Variants in TMEM130 observed in about 807,000 individuals in gnomAD.
The protein encoded by TMEM130 is transmembrane protein 130.
TMEM130 carries 37 observed loss-of-function variants against 42.9 expected under a neutral mutation model. The ratio of observed to expected loss-of-function variants is 0.86; its 90% CI spans 0.66 to 1.13. TMEM130 has a LOEUF of 1.13. TMEM130 is among the 50% of genes most tolerant of loss of function. The pLI, the probability that TMEM130 is intolerant of heterozygous loss-of-function variation, is 0.00. For missense variants in TMEM130, 545 were observed against 562.6 expected (o/e 0.97, Z 0.32); for synonymous variants, 259 against 237.7 (o/e 1.09, Z -0.82).
intron 3 of TMEM130, among the ~76,000 whole-genome samples, chr7:98,856,912 T>A (rs1014392757): frequency 6.6e-6 from 1 of 152,144 alleles, no homozygotes. Context: ...CTCTCCCTTT[T>A]TTTTTTATTT....
At chr7:98,862,884 T>C (rs782787368) in intron 2 of TMEM130, among the ~76,000 whole-genome samples, 5 of 152,176 alleles carry the variant, frequency 3.3e-5, no homozygotes, top group Non-Finnish European at 7.3e-5. Context: ...TCAGCAGCAA[T>C]AGGCGTCCCT....
chr7:98,850,273 A>ATATATTT, intron 6 of TMEM130, among the ~76,000 whole-genome samples: 5 of 35,444 alleles, frequency 1.4e-4, no homozygotes, highest in Non-Finnish European at 2.5e-4. Context: ...ATATATATAT[A>ATATATTT]TTTTTTTTTT....
At chr7:98,855,901 G>T (rs1554398888) in intron 4 of TMEM130, 116 bp downstream of exon 4, 9 of 1,217,034 alleles carry the variant, frequency 7.4e-6, no homozygotes, top group Non-Finnish European at 1.0e-5. Flanking sequence ...GCTCCTCAGA[G>T]GTCTGTGGGG....
chr7:98,863,833 T>A (rs1287070365), intron 1 of TMEM130, among the ~76,000 whole-genome samples: 7 of 150,544 alleles, frequency 4.6e-5, no homozygotes, highest in Non-Finnish European at 7.4e-5. Flanking sequence ...CTCCCTTCCT[T>A]CCTTCCTTTT....
At position 98,869,505 on chromosome 7, in the gene TMEM130, G is replaced by A. The variant is rs1554401063; in HGVS notation, c.85+272C>T. Among the ~76,000 whole-genome samples the A allele has an allele frequency of 6.6e-6, 1 of 152,188 alleles. No individual in the cohort carries two copies. The highest frequency in any genetic ancestry group is 1.5e-5 in the Non-Finnish European group (1 of 68,030). On this transcript the variant is annotated intron_variant, in intron 1 of 7. Transcript: ENST00000339375. This position sits in a 1 kb window ranked among gnomAD's most constrained non-coding sequence, Gnocchi z 4.7. Reference sequence around the variant, plus strand: ...CGACGGATGCGCCGGCCACCCCCGCGCGGTTTCCAGGGCAGGGCCAGCCTG... The same window carrying A: ...CGACGGATGCGCCGGCCACCCCCGCACGGTTTCCAGGGCAGGGCCAGCCTG...
chr7:98,856,262 G>A (rs1390391434), intron 3 of TMEM130, 79 bp from the exon 4 acceptor site: 4 of 1,436,744 alleles, frequency 2.8e-6, no homozygotes, highest in Non-Finnish European at 3.8e-6. Context: ...AGTGATTCAT[G>A]GGACTTGCCA....
intron 6 of TMEM130, among the ~76,000 whole-genome samples, chr7:98,850,865 A>G (rs1347748087): frequency 6.6e-6 from 1 of 152,146 alleles, no homozygotes; most frequent in Non-Finnish European, 1.5e-5. Flanking sequence ...ATGGTGGCTC[A>G]TTTGGCGCAA....
intron 6 of TMEM130, among the ~76,000 whole-genome samples, chr7:98,850,435 A>G (rs960395987): frequency 6.7e-6 from 1 of 150,280 alleles, no homozygotes; most frequent in Non-Finnish European, 1.5e-5. Context: ...CCACCACCAC[A>G]CCCAGCTAAC....
rs782165348 is a variant in TMEM130, at chr7:98,856,216, A to C, written c.552-33T>G. 7 of 1,603,790 alleles carry C rather than the reference A, an allele frequency of 4.4e-6. No individual in the cohort carries two copies. The Admixed American group carries it at 1.2e-4, about 27-fold the overall frequency. ...GAGACAGGGAGGAGAGAGGAGGAAG[A>C]CAGCAGACGGTTGCTTCCCCTTCCT... On this transcript the variant is annotated intron_variant, in intron 3 of 7. Transcript: ENST00000339375.
intron 3 of TMEM130, 130 bp from the exon 4 acceptor site, chr7:98,856,313 T>C (rs1490194563): frequency 1.2e-6 from 1 of 856,326 alleles, no homozygotes; most frequent in East Asian, 2.6e-5. Context: ...CAGCTACCAG[T>C]GAGCACACCT....
rs1444192194 is a variant in TMEM130 at position 98,847,263 on chromosome 7, A to C, written c.*793T>G. 6.6e-6 allele frequency: 1 copy of C among 152,214 alleles called. No homozygotes were observed. Among genetic ancestry groups the C allele is most frequent in the East Asian group, 1.9e-4 (1 of 5,188 alleles). 9.4% of individuals were successfully genotyped at this position (152,214 alleles called of 1,614,324 possible). On this transcript the variant is annotated 3_prime_UTR_variant, in exon 8 of 8. Coordinates refer to ENST00000339375, the MANE Select transcript of TMEM130 (RefSeq NM_152913.3). ...TTTATAAAGCACTCTGCAATCACTC[A>C]GTATTAGTCCTGCCCCCCATCCAGC... is the stretch of plus-strand genomic sequence containing the variant.
intron 7 of TMEM130, 57 bp downstream of exon 7, chr7:98,848,526 A>C: frequency 7.9e-7 from 1 of 1,263,552 alleles, no homozygotes; most frequent in East Asian, 2.3e-5. Context: ...TACCCTCTCT[A>C]AACATCCTCT....
Position 98,863,185 on chromosome 7 carries a change from C to T in TMEM130, c.301G>A (p.Gly101Arg), listed in dbSNP as rs1562911514. 25 of 1,613,970 alleles carry T rather than the reference C, an allele frequency of 1.5e-5. No individual in the cohort carries two copies. The highest frequency in any genetic ancestry group is 6.7e-5 in the East Asian group (3 of 44,878). Residue 101 changes from glycine (G) to arginine (R), a missense_variant, in exon 2 of 8, where the codon GGG becomes AGG. By Grantham distance (125) the Gly-to-Arg change is moderately radical. Coordinates refer to ENST00000339375, the MANE Select transcript of TMEM130 (RefSeq NM_152913.3). The part of the protein sequence containing the change: ...STIRVVGHVP[G>R]EFPVSVWVTA... ...ACCCAGACAGAGACCGGGAATTCCC[C>T]GGGCACGTGGCCGACCACACGGATG... is the stretch of plus-strand genomic sequence containing the variant.
At chr7:98,855,359 G>A (rs1554398807) in intron 4 of TMEM130, 35 bp from the exon 5 acceptor site, 1 of 1,582,256 alleles carries the variant, frequency 6.3e-7, no homozygotes, top group South Asian at 1.1e-5. Flanking sequence ...AGACCTGGTG[G>A]CTAAGGATTG....
intron 2 of TMEM130, among the ~76,000 whole-genome samples, chr7:98,862,891 C>T (rs1554400001): frequency 1.3e-5 from 2 of 152,210 alleles, no homozygotes; most frequent in Non-Finnish European, 1.5e-5. Flanking sequence ...CAATAGGCGT[C>T]CCTTTTAGCA....
chr7:98,848,442 G>A (rs1208916824), intron 7 of TMEM130, 141 bp downstream of exon 7: 1 of 759,922 alleles, frequency 1.3e-6, no homozygotes, highest in Non-Finnish European at 2.2e-6. Flanking sequence ...GATGCCTCTT[G>A]GGCACATCAC....
At chr7:98,862,977 GCCT>G (rs1794819580) in intron 2 of TMEM130, 115 bp downstream of exon 2, 1 of 1,080,630 alleles carries the variant, frequency 9.3e-7, no homozygotes, top group African/African-American at 4.0e-5. Context: ...GAACCTACGG[GCCT>G]AATCCCCCAG....
chr7:98,866,928 C>CA (rs34072337), intron 1 of TMEM130: 22,354 of 146,654 alleles, frequency 0.15, 5,210 homozygotes, highest in African/African-American at 0.51. Context: ...CCATTCTCTA[C>CA]AAAAAAAAAA....
intron 1 of TMEM130, among the ~76,000 whole-genome samples, chr7:98,867,426 C>T (rs1554400772): frequency 6.6e-6 from 1 of 152,106 alleles, no homozygotes; most frequent in East Asian, 1.9e-4. Flanking sequence ...GAGAGACCAC[C>T]TCCTCCCTTA....
Sources: gnomAD v4.1 joint callset for allele counts (sites outside exome capture counted in the v4.1 genomes callset) on GRCh38, gnomAD v4.1.1 for gene constraint, Gnocchi (gnomAD v3.1) non-coding constraint, MANE v1.5 for transcripts, NCBI Gene and HGNC (gene_info 2026-07-23, HGNC 2026-07-21) for gene names.